Variants in ANKRD55 observed in about 807,000 individuals in gnomAD.
The protein encoded by ANKRD55 is ankyrin repeat domain-containing protein 55.
A neutral mutation model predicts 60.6 loss-of-function variants in ANKRD55; 41 were observed. That is an observed-to-expected ratio of 0.68 (90% confidence interval 0.53 to 0.88). The LOEUF (loss-of-function observed/expected upper bound fraction) is 0.88, where lower values mean the gene tolerates loss of function less well. Ranked by LOEUF, ANKRD55 falls within the 40% of genes least tolerant of loss-of-function variation. The probability of loss-of-function intolerance (pLI) is 0.00; values close to 1 mark genes in which losing one functional copy is unlikely to be tolerated. For synonymous variants in ANKRD55, 264 were observed against 290.3 expected (o/e 0.91, Z 0.92); for missense variants, 732 against 767.6 (o/e 0.95, Z 0.55).
intron 7 of ANKRD55, among the ~76,000 whole-genome samples, chr5:56,140,151 G>A (rs1284257182): frequency 6.6e-6 from 1 of 152,144 alleles, no homozygotes; most frequent in African/African-American, 2.4e-5. Context: ...TCAGAAAAAG[G>A]AATAAATGAC....
intron 3 of ANKRD55, among the ~76,000 whole-genome samples, chr5:56,181,085 A>G (rs904604086): frequency 6.6e-6 from 1 of 152,174 alleles, no homozygotes; most frequent in Non-Finnish European, 1.5e-5. Context: ...CTGTAATCCC[A>G]GTTACTCAGG....
At chr5:56,158,247 G>A (rs1008683686) in intron 6 of ANKRD55, among the ~76,000 whole-genome samples, 1 of 151,918 alleles carries the variant, frequency 6.6e-6, no homozygotes, top group Admixed American at 6.6e-5. Context: ...GCTTACCCCC[G>A]CCCCCTTGCC....
intron 6 of ANKRD55, among the ~76,000 whole-genome samples, chr5:56,151,972 C>T (rs1044265156): frequency 1.4e-5 from 2 of 148,052 alleles, no homozygotes; most frequent in African/African-American, 5.0e-5. Flanking sequence ...ATTTTTGTGC[C>T]TCACTAAAGC....
intron 2 of ANKRD55, among the ~76,000 whole-genome samples, chr5:56,187,934 C>T (rs970327386): frequency 1.3e-5 from 2 of 152,096 alleles, no homozygotes; most frequent in African/African-American, 2.4e-5. Context: ...ATATCTTGGT[C>T]CACAAAATAT....
chr5:56,194,176 C>T (rs1274145642), intron 2 of ANKRD55, among the ~76,000 whole-genome samples: 3 of 151,914 alleles, frequency 2.0e-5, no homozygotes, highest in African/African-American at 7.3e-5. Flanking sequence ...ATTAGCTGGG[C>T]GTGGTGGCGC....
At chr5:56,126,632 A>G (rs989765771) in intron 8 of ANKRD55, among the ~76,000 whole-genome samples, 1 of 152,136 alleles carries the variant, frequency 6.6e-6, no homozygotes, top group Non-Finnish European at 1.5e-5. Flanking sequence ...AGGAACAAAG[A>G]GGGCACATAG....
chr5:56,231,564 G>A (rs1183042373), intron 2 of ANKRD55, among the ~76,000 whole-genome samples: 2 of 152,024 alleles, frequency 1.3e-5, no homozygotes, highest in Non-Finnish European at 2.9e-5. Context: ...ACCAGGAGGA[G>A]AGGATGGTGG....
At chr5:56,136,324 G>A (rs1757596748) in intron 7 of ANKRD55, among the ~76,000 whole-genome samples, 1 of 152,196 alleles carries the variant, frequency 6.6e-6, no homozygotes. Flanking sequence ...GGAGAACAAA[G>A]TTGGGTGACT....
chr5:56,147,311 C>T (rs970741466), intron 6 of ANKRD55, among the ~76,000 whole-genome samples: 6 of 152,194 alleles, frequency 3.9e-5, no homozygotes, highest in African/African-American at 1.4e-4. Context: ...TCTTTCCACA[C>T]ATCATGGTGG....
At chr5:56,227,522 A>G (rs1760149768) in intron 2 of ANKRD55, among the ~76,000 whole-genome samples, 1 of 152,168 alleles carries the variant, frequency 6.6e-6, no homozygotes, top group Admixed American at 6.5e-5. Context: ...ACCCCTGCAC[A>G]TCTGTGCGTG....
intron 5 of ANKRD55, among the ~76,000 whole-genome samples, chr5:56,164,695 C>T (rs1417069372): frequency 6.6e-6 from 1 of 152,152 alleles, no homozygotes; most frequent in African/African-American, 2.4e-5. Context: ...ATCATGCCCC[C>T]TCTTTCACAC....
At chr5:56,143,694 A>T (rs541863043) in intron 7 of ANKRD55, 107 bp downstream of exon 7, 1 of 1,478,388 alleles carries the variant, frequency 6.8e-7, no homozygotes, top group East Asian at 2.3e-5. Flanking sequence ...GGTGGAGCTG[A>T]ATCAAGAGCT....
chr5:56,135,290 G>C lies in ANKRD55; in HGVS notation c.613-8184C>G, dbSNP rs537804236. ...TCCCTCCCTCCCTCCCTGCCTGCCT[G>C]CTTGCTTTCTTTCTTTCTTTCTTTC... On this transcript the variant is annotated intron_variant, in intron 7 of 11. Coordinates refer to ENST00000341048, the MANE Select transcript of ANKRD55 (RefSeq NM_024669.3). Among the ~76,000 whole-genome samples, 60 of 69,326 alleles carry C rather than the reference G, an allele frequency of 8.7e-4. 2 individuals carry two copies. Among genetic ancestry groups the C allele is most frequent in the African/African-American group, 3.2e-3 (58 of 18,024 alleles). The allele number at this position is 69,326 out of a possible 152,430, so 45.5% of individuals were successfully genotyped here. A position where few individuals can be genotyped will look rare whatever the true frequency, so the allele number is the denominator to read the frequency against.
chr5:56,197,107 C>A (rs1449522291), intron 2 of ANKRD55, among the ~76,000 whole-genome samples: 1 of 152,098 alleles, frequency 6.6e-6, no homozygotes, highest in Non-Finnish European at 1.5e-5. Context: ...AAGATTACTG[C>A]CCCATTATTA....
At chr5:56,178,866 T>G (rs976311652) in intron 3 of ANKRD55, among the ~76,000 whole-genome samples, 3 of 151,992 alleles carry the variant, frequency 2.0e-5, no homozygotes, top group Admixed American at 2.0e-4. Flanking sequence ...ACTTCATACA[T>G]ATCGGATTAG....
At chr5:56,215,762 C>T (rs140394175) in intron 2 of ANKRD55, among the ~76,000 whole-genome samples, 255 of 152,272 alleles carry the variant, frequency 1.7e-3, no homozygotes, top group African/African-American at 5.9e-3. Flanking sequence ...GTCTCAAAGT[C>T]TGTGGCACGG....
intron 10 of ANKRD55, among the ~76,000 whole-genome samples, chr5:56,109,304 G>A (rs774982845): frequency 6.6e-6 from 1 of 152,136 alleles, no homozygotes; most frequent in Non-Finnish European, 1.5e-5. Flanking sequence ...GTGGACAGTG[G>A]TTACTCAGAT....
intron 4 of ANKRD55, among the ~76,000 whole-genome samples, chr5:56,173,289 C>T (rs1758649238): frequency 6.6e-6 from 1 of 152,126 alleles, no homozygotes; most frequent in South Asian, 2.1e-4. Flanking sequence ...CCTCCACCTC[C>T]TGGGTTCAAG....
chr5:56,176,005 G>A (rs985689246), intron 4 of ANKRD55, 147 bp downstream of exon 4: 22 of 1,047,370 alleles, frequency 2.1e-5, no homozygotes, highest in Middle Eastern at 3.2e-4. Context: ...GGATATAAAC[G>A]TTGAAGATGA....
Sources: gnomAD v4.1 joint callset for allele counts (sites outside exome capture counted in the v4.1 genomes callset) on GRCh38, gnomAD v4.1.1 for gene constraint, MANE v1.5 for transcripts, NCBI Gene and HGNC (gene_info 2026-07-23, HGNC 2026-07-21) for gene names.